The following ZNF599 variants were observed in gnomAD, a reference collection of about 807,000 sequenced individuals.
ZNF599 encodes zinc finger protein 599.
In ZNF599, 10 loss-of-function variants were observed where a neutral mutation model predicts 11.7. The observed-to-expected ratio is 0.86, with a 90% CI of 0.53 to 1.45. The LOEUF is 1.45. ZNF599 is among the 40% of genes most tolerant of loss of function. ZNF599 has a pLI of 0.00. For missense variants in ZNF599, 688 were observed against 713.6 expected (o/e 0.96, Z 0.41); for synonymous variants, 232 against 253.2 (o/e 0.92, Z 0.79).
At chr19:34,796,086 G>C in the ZNF599 span, among the ~76,000 whole-genome samples, 3 of 152,022 alleles carry the variant, frequency 2.0e-5, no homozygotes, top group African/African-American at 7.2e-5. Context: ...CTCCCAAAGT[G>C]CTGGTTTTAC....
chr19:34,758,102 G>T lies in ZNF599; in HGVS notation c.*932C>A, dbSNP rs1395355145. 1 of 151,916 alleles carries T rather than the reference G, an allele frequency of 6.6e-6. No individual in the cohort carries two copies. The highest frequency in any genetic ancestry group is 1.5e-5 in the Non-Finnish European group (1 of 67,992). The allele number at this position is 151,916 out of a possible 1,614,324, so 9.4% of individuals were successfully genotyped here. A position where few individuals can be genotyped will look rare whatever the true frequency, so the allele number is the denominator to read the frequency against. On this transcript the variant is annotated 3_prime_UTR_variant, in exon 4 of 4. Coordinates refer to ENST00000329285, the MANE Select transcript of ZNF599 (RefSeq NM_001007248.3). ...ATAATTAAAATATTTTTATTATAAAGAATAATTATAATTATTCAAGAAACA... is the reference window on the plus strand; with the variant it reads ...ATAATTAAAATATTTTTATTATAAATAATAATTATAATTATTCAAGAAACA...
intron 3 of ZNF599, chr19:34,765,258 G>A (rs1475863643): frequency 5.1e-5 from 14 of 271,854 alleles, no homozygotes; most frequent in Non-Finnish European, 8.5e-5. Context: ...GCAGGACCTC[G>A]ATTTGCTTCT....
the ZNF599 span, among the ~76,000 whole-genome samples, chr19:34,801,465 A>C: frequency 6.6e-6 from 1 of 152,246 alleles, no homozygotes; most frequent in Non-Finnish European, 1.5e-5. Context: ...TTGCAGCTGA[A>C]GGTTTTCCCA....
At chr19:34,781,406 C>G in the ZNF599 span, among the ~76,000 whole-genome samples, 1 of 152,146 alleles carries the variant, frequency 6.6e-6, no homozygotes, top group South Asian at 2.1e-4. Flanking sequence ...AGAGAGAGCC[C>G]TTGCTTACCT....
chr19:34,779,411 T>C, the ZNF599 span: 1 of 451,476 alleles, frequency 2.2e-6, no homozygotes, highest in South Asian at 1.6e-5. Context: ...CTGACCTTTT[T>C]CCATAGTCAC....
the ZNF599 span, among the ~76,000 whole-genome samples, chr19:34,803,472 G>A: frequency 1.3e-5 from 2 of 152,096 alleles, no homozygotes; most frequent in African/African-American, 4.8e-5. Flanking sequence ...CTTCCTCAAA[G>A]GTCACATTAC....
upstream of ZNF599, among the ~76,000 whole-genome samples, chr19:34,777,341 TATATTATATATTATATATTAATA>T (rs1321787091): frequency 4.5e-5 from 2 of 44,520 alleles, no homozygotes; most frequent in Non-Finnish European, 4.0e-5. Flanking sequence ...TATATATTAA[TATATTATATATTATATATTAATA>T]TATTATATAT....
At chr19:34,772,471 G>T in intron 1 of ZNF599, 1 of 1,156,504 alleles carries the variant, frequency 8.6e-7, no homozygotes, top group Non-Finnish European at 1.1e-6. Context: ...TGCTCTCCGA[G>T]CAGTGAAAGA....
At chr19:34,781,954 A>G in the ZNF599 span, among the ~76,000 whole-genome samples, 4 of 152,200 alleles carry the variant, frequency 2.6e-5, no homozygotes, top group African/African-American at 7.2e-5. Flanking sequence ...AATAGAAATG[A>G]CAAGTGGATA....
At position 34,773,040 on chromosome 19, in the gene ZNF599, C is replaced by T; in HGVS notation, c.-199G>A. 1 of 599,018 alleles carries T rather than the reference C, an allele frequency of 1.7e-6. No homozygotes were observed. Among genetic ancestry groups the T allele is most frequent in the Non-Finnish European group, 2.8e-6 (1 of 362,652 alleles). The allele number at this position is 599,018 out of a possible 1,614,324, so 37.1% of individuals were successfully genotyped here. The stretch of plus-strand genomic sequence containing the variant: ...CGCCAAGGCCCCAGGAAGGGTTTTG[C>T]AGACGCTTGTGGGGGTGGGATCGCG... On this transcript the variant is annotated 5_prime_UTR_variant, in exon 1 of 4. Transcript: ENST00000329285.
Position 34,772,923 on chromosome 19 carries a change from T to C in ZNF599, c.-82A>G. 1 of 1,376,256 alleles carries C rather than the reference T, an allele frequency of 7.3e-7. No individual in the cohort carries two copies. The highest frequency in any genetic ancestry group is 9.4e-7 in the Non-Finnish European group (1 of 1,065,682). 85.3% of individuals were successfully genotyped at this position (1,376,256 alleles called of 1,614,324 possible). On this transcript the variant is annotated 5_prime_UTR_variant, in exon 1 of 4. Coordinates refer to ENST00000329285, the MANE Select transcript of ZNF599 (RefSeq NM_001007248.3). The stretch of plus-strand genomic sequence containing the variant: ...CTCGGCCGACCCCGGGCTCCGGCTC[T>C]GGGCTGCGAGGGACCTCAGTCCCCG...
In ZNF599 at chr19:34,771,641, G is replaced by C. The variant is rs1600160178; in HGVS notation, c.18+1183C>G. On this transcript the variant is annotated intron_variant, in intron 1 of 3. Transcript: ENST00000329285. ...GTGCAGGAGAGAAGAATGGCAGGGG[G>C]AGTGTCCTGGTGGATTGGGCAGTGA... is the stretch of plus-strand genomic sequence containing the variant. 2.0e-5 allele frequency among the ~76,000 whole-genome samples: 3 copies of C among 152,180 alleles called. No individual in the cohort carries two copies. The East Asian group carries it at 5.8e-4, about 29-fold the overall frequency.
Position 34,759,676 on chromosome 19 carries a change from G to A in ZNF599, c.1125C>T (p.Thr375=), listed in dbSNP as rs1416370914. 1 of 1,614,082 alleles carries A rather than the reference G, an allele frequency of 6.2e-7. No individual in the cohort carries two copies. Among genetic ancestry groups the A allele is most frequent in the Non-Finnish European group, 8.5e-7 (1 of 1,180,014 alleles). Residue 375 remains threonine (T), a synonymous_variant, in exon 4 of 4, where the codon ACC becomes ACT. Transcript: ENST00000329285. ...GAGTGAAGGATGAGTTGAGGCAAAA[G>A]GTTTTTCCACATTCTTTACATAAAA... ...KPFLCKECGK[T]FCLNSSFTQH...
Position 34,758,753 on chromosome 19 carries a change from C to A in ZNF599, c.*281G>T. On this transcript the variant is annotated 3_prime_UTR_variant, in exon 4 of 4. Transcript: ENST00000329285. ...TTGTTCCTGACATTTTACCTAAATG[C>A]ATGTTAACCACCAGGTCTCTCCCCT... 3.4e-6 allele frequency: 1 copy of A among 298,468 alleles called. No homozygotes were observed. Among genetic ancestry groups the A allele is most frequent in the Non-Finnish European group, 6.2e-6 (1 of 161,580 alleles). 18.5% of individuals were successfully genotyped at this position (298,468 alleles called of 1,614,324 possible).
At chr19:34,804,766 G>C in the ZNF599 span, among the ~76,000 whole-genome samples, 1 of 152,162 alleles carries the variant, frequency 6.6e-6, no homozygotes, top group Non-Finnish European at 1.5e-5. Context: ...AAGGAATCAG[G>C]CTGGCAGGAC....
chr19:34,765,607 A>G, intron 3 of ZNF599: 1 of 703,158 alleles, frequency 1.4e-6, no homozygotes, highest in South Asian at 1.5e-5. Flanking sequence ...AGCCATGGCC[A>G]GGATGATAAC....
Position 34,772,820 on chromosome 19 carries a change from T to C in ZNF599, c.18+4A>G. On this transcript the variant is annotated splice_donor_region_variant and intron_variant, in intron 1 of 3. Coordinates refer to ENST00000329285, the MANE Select transcript of ZNF599 (RefSeq NM_001007248.3). The stretch of plus-strand genomic sequence containing the variant: ...TCGCGCGGGCTGCGGAACCCTCCAC[T>C]CACCAACGCCGGCGCCGCCATGGGC... The C allele has an allele frequency of 6.6e-7, 1 of 1,525,924 alleles. No individual in the cohort carries two copies. Among genetic ancestry groups the C allele is most frequent in the African/African-American group, 1.4e-5 (1 of 70,858 alleles). 94.5% of individuals were successfully genotyped at this position (1,525,924 alleles called of 1,614,324 possible).
chr19:34,805,515 C>T, the ZNF599 span, among the ~76,000 whole-genome samples: 2 of 152,012 alleles, frequency 1.3e-5, no homozygotes, highest in African/African-American at 2.4e-5. Flanking sequence ...TTTTCTCTCA[C>T]CCTCAACATT....
chr19:34,782,128 T>G, the ZNF599 span, among the ~76,000 whole-genome samples: 1 of 152,216 alleles, frequency 6.6e-6, no homozygotes, highest in Non-Finnish European at 1.5e-5. Flanking sequence ...AACCACCTCT[T>G]GTAATGGTTG....
Sources: allele counts gnomAD v4.1 joint callset (sites outside exome capture counted in the v4.1 genomes callset), GRCh38; gene constraint gnomAD v4.1.1; transcripts MANE v1.5; gene names NCBI Gene and HGNC (gene_info 2026-07-23, HGNC 2026-07-21).